Variants in NPAS3 observed in about 807,000 individuals in gnomAD.
NPAS3 encodes neuronal PAS domain protein 3.
Under a neutral mutation model 73.1 loss-of-function variants are expected in NPAS3, and 14 were observed. The ratio of observed to expected loss-of-function variants is 0.19; its 90% CI spans 0.13 to 0.30. The LOEUF is 0.30. Among genes scored for constraint, NPAS3 ranks in the 10% least tolerant of loss-of-function variants. The probability of loss-of-function intolerance (pLI) is 1.00; values close to 1 mark genes in which losing one functional copy is unlikely to be tolerated. For missense variants in NPAS3, 1,096 were observed against 1,250.0 expected, an observed-to-expected ratio of 0.88 and a Z score of 1.86; for synonymous variants, 620 against 541.5, an observed-to-expected ratio of 1.14 and a Z score of -2.01.
At chr14:33,511,970 G>A (rs1009811682) in intron 4 of NPAS3, among the ~76,000 whole-genome samples, 2 of 152,110 alleles carry the variant, frequency 1.3e-5, no homozygotes, top group Non-Finnish European at 2.9e-5. Flanking sequence ...GGCTAGTCAA[G>A]CTTCCAGCTT....
At chr14:33,679,799 A>C (rs1264315930) in intron 6 of NPAS3, among the ~76,000 whole-genome samples, 1 of 152,200 alleles carries the variant, frequency 6.6e-6, no homozygotes, top group East Asian at 1.9e-4. Context: ...GTCAGCCCTG[A>C]GATTGTCTTG....
chr14:33,374,638 T>A (rs965007780), intron 4 of NPAS3, among the ~76,000 whole-genome samples: 2 of 145,088 alleles, frequency 1.4e-5, no homozygotes, highest in Admixed American at 7.3e-5. Flanking sequence ...AAGATTCTGC[T>A]GGGGAAAATA....
chr14:33,428,917 G>A (rs757078780), intron 4 of NPAS3, among the ~76,000 whole-genome samples: 7 of 152,048 alleles, frequency 4.6e-5, no homozygotes, highest in Non-Finnish European at 1.0e-4. Context: ...TCCATAGATC[G>A]CCTTTTCACT....
chr14:33,560,162 A>C, exon 5 of NPAS3: 1 of 870,532 alleles, frequency 1.1e-6, no homozygotes, highest in Non-Finnish European at 2.0e-6. Context: ...AGGAAGGAAA[A>C]TTTTTGTACA....
At chr14:33,104,527 G>A (rs2138912758) in intron 2 of NPAS3, among the ~76,000 whole-genome samples, 1 of 152,252 alleles carries the variant, frequency 6.6e-6, no homozygotes, top group African/African-American at 2.4e-5. Context: ...GAGCATTTTA[G>A]TGAAAACATC....
At chr14:33,638,159 T>C (rs2058577092) in intron 5 of NPAS3, among the ~76,000 whole-genome samples, 1 of 152,224 alleles carries the variant, frequency 6.6e-6, no homozygotes, top group Non-Finnish European at 1.5e-5. Flanking sequence ...CAAGCACTAG[T>C]GACTGTTTGA....
At chr14:33,401,585 C>T (rs1057045060) in intron 4 of NPAS3, among the ~76,000 whole-genome samples, 1 of 151,992 alleles carries the variant, frequency 6.6e-6, no homozygotes, top group Non-Finnish European at 1.5e-5. Context: ...TCACTGTGAA[C>T]TGAGTATAAT....
chr14:33,224,483 A>G (rs1324483936), intron 3 of NPAS3, among the ~76,000 whole-genome samples: 1 of 152,050 alleles, frequency 6.6e-6, no homozygotes, highest in Non-Finnish European at 1.5e-5. Context: ...CTGGGTCCAT[A>G]GTATGTTAGT....
intron 3 of NPAS3, among the ~76,000 whole-genome samples, chr14:33,265,041 C>G (rs187422107): frequency 6.6e-6 from 1 of 152,354 alleles, no homozygotes; most frequent in East Asian, 1.9e-4. Context: ...TGTTTAAGTT[C>G]TAGCTACCAT....
chr14:33,231,126 A>G (rs1006177279), intron 3 of NPAS3, among the ~76,000 whole-genome samples: 25 of 152,196 alleles, frequency 1.6e-4, no homozygotes, highest in Non-Finnish European at 3.5e-4. Flanking sequence ...CAAGCTTGCC[A>G]GTGCAGGGTT....
chr14:33,089,788 A>G (rs2042161913), intron 2 of NPAS3, among the ~76,000 whole-genome samples: 1 of 152,202 alleles, frequency 6.6e-6, no homozygotes, highest in Admixed American at 6.5e-5. Flanking sequence ...CATCAGACTA[A>G]CAGCAGATCT....
At chr14:32,961,719 T>G (rs1313918379) in intron 1 of NPAS3, among the ~76,000 whole-genome samples, 1 of 152,130 alleles carries the variant, frequency 6.6e-6, no homozygotes, top group Non-Finnish European at 1.5e-5. Context: ...ATACATTATC[T>G]CATTTAATTC....
intron 7 of NPAS3, among the ~76,000 whole-genome samples, chr14:33,744,789 C>CA (rs1425995405): frequency 2.7e-5 from 4 of 150,808 alleles, no homozygotes; most frequent in Non-Finnish European, 5.9e-5. Flanking sequence ...GACCCCATCC[C>CA]AAAAAAGCAA....
chr14:33,153,066 T>A (rs1462469057), intron 2 of NPAS3, among the ~76,000 whole-genome samples: 1 of 152,112 alleles, frequency 6.6e-6, no homozygotes, highest in African/African-American at 2.4e-5. Context: ...TTTTAAAACC[T>A]TTTTTTGTTC....
intron 3 of NPAS3, among the ~76,000 whole-genome samples, chr14:33,348,288 G>A (rs540920889): frequency 2.0e-4 from 31 of 152,162 alleles, no homozygotes; most frequent in African/African-American, 7.2e-4. Context: ...TCCCACCATG[G>A]GGACCCCTCA....
intron 3 of NPAS3, among the ~76,000 whole-genome samples, chr14:33,222,987 C>T (rs10132499): frequency 0.29 from 44,470 of 151,898 alleles, 7,431 homozygotes; most frequent in South Asian, 0.46. Context: ...GGTAGGGTTC[C>T]CCCATCAACG....
At chr14:33,503,601 T>A (rs1372363658) in intron 4 of NPAS3, among the ~76,000 whole-genome samples, 6 of 151,788 alleles carry the variant, frequency 4.0e-5, no homozygotes, top group Admixed American at 1.3e-4. Context: ...GGCACGGCAA[T>A]GGGGCAAAGC....
intron 3 of NPAS3, among the ~76,000 whole-genome samples, chr14:33,291,744 C>T (rs2042107573): frequency 6.6e-6 from 1 of 152,208 alleles, no homozygotes; most frequent in Non-Finnish European, 1.5e-5. Context: ...TCATGTCAAC[C>T]TGTGATTCTG....
intron 3 of NPAS3, among the ~76,000 whole-genome samples, chr14:33,301,388 G>A (rs1233042703): frequency 6.8e-6 from 1 of 146,276 alleles, no homozygotes; most frequent in African/African-American, 2.5e-5. Flanking sequence ...TGGAGCAGGG[G>A]CCTCCAAGCC....
Sources: allele counts gnomAD v4.1 joint callset (sites outside exome capture counted in the v4.1 genomes callset), GRCh38; gene constraint gnomAD v4.1.1; transcripts MANE v1.5; gene names NCBI Gene and HGNC (gene_info 2026-07-23, HGNC 2026-07-21).